The following DNAH6 variants were observed in gnomAD, a reference collection of about 807,000 sequenced individuals.
DNAH6 encodes axonemal beta dynein heavy chain 6.
Under a neutral mutation model 491.4 loss-of-function variants are expected in DNAH6, and 340 were observed. The ratio of observed to expected loss-of-function variants is 0.69; its 90% confidence interval spans 0.63 to 0.76. The LOEUF is 0.76. Ranked by LOEUF, DNAH6 falls within the 30% of genes least tolerant of loss-of-function variation. The pLI is 0.00. For synonymous variants in DNAH6, 1,603 were observed against 1,686.1 expected (o/e 0.95, Z 1.21); for missense variants, 4,443 against 4,972.2 (o/e 0.89, Z 3.20).
At chr2:84,502,969 G>A in the DNAH6 span, among the ~76,000 whole-genome samples, 1 of 152,018 alleles carries the variant, frequency 6.6e-6, no homozygotes, top group Non-Finnish European at 1.5e-5. Context: ...TCTTTTGATT[G>A]GAGAGTTAAG....
intron 12 of DNAH6, among the ~76,000 whole-genome samples, chr2:84,576,281 A>T (rs775318091): frequency 1.3e-5 from 2 of 152,154 alleles, no homozygotes; most frequent in Non-Finnish European, 2.9e-5. Context: ...GCTCGGAAAG[A>T]CTAAGTAACT....
intron 47 of DNAH6, among the ~76,000 whole-genome samples, chr2:84,698,711 T>G (rs1695614392): frequency 6.6e-6 from 1 of 152,192 alleles, no homozygotes; most frequent in African/African-American, 2.4e-5. Flanking sequence ...AAATAAATCA[T>G]TCTACCAAAA....
At chr2:84,753,797 A>C (rs1165540338) in intron 63 of DNAH6, among the ~76,000 whole-genome samples, 1 of 143,868 alleles carries the variant, frequency 7.0e-6, no homozygotes, top group Admixed American at 6.9e-5. Context: ...TTTGGCTCTT[A>C]CATTTAGATC....
intron 2 of DNAH6, among the ~76,000 whole-genome samples, chr2:84,524,997 C>T (rs1171999370): frequency 6.6e-6 from 1 of 151,752 alleles, no homozygotes; most frequent in East Asian, 1.9e-4. Flanking sequence ...TTTTCTTATC[C>T]CAGTATATGA....
chr2:84,721,637 A>C (rs983576280), intron 59 of DNAH6, among the ~76,000 whole-genome samples: 2 of 152,184 alleles, frequency 1.3e-5, no homozygotes, highest in African/African-American at 4.8e-5. Flanking sequence ...TGTTGATATA[A>C]TATTTTGGGT....
intron 13 of DNAH6, among the ~76,000 whole-genome samples, chr2:84,578,831 T>A (rs561308341): frequency 6.6e-6 from 1 of 152,184 alleles, no homozygotes; most frequent in East Asian, 1.9e-4. Context: ...ATTATGGGGG[T>A]GGTTTCCCCT....
chr2:84,761,296 A>G (rs1231089996), intron 63 of DNAH6, among the ~76,000 whole-genome samples: 1 of 152,034 alleles, frequency 6.6e-6, no homozygotes, highest in Admixed American at 6.5e-5. Flanking sequence ...AGAGAAAGGG[A>G]TGGTAGACAA....
At chr2:84,582,555 C>T (rs1683137971) in intron 14 of DNAH6, among the ~76,000 whole-genome samples, 1 of 152,186 alleles carries the variant, frequency 6.6e-6, no homozygotes, top group South Asian at 2.1e-4. Context: ...GGGTTCACGC[C>T]ATTCTCCTGC....
intron 64 of DNAH6, among the ~76,000 whole-genome samples, chr2:84,776,870 T>C (rs1249489083): frequency 6.6e-6 from 1 of 152,124 alleles, no homozygotes; most frequent in Admixed American, 6.5e-5. Flanking sequence ...ATAGACTGGA[T>C]TAAGAAAATG....
At chr2:84,462,464 G>A in the DNAH6 span, among the ~76,000 whole-genome samples, 1 of 152,216 alleles carries the variant, frequency 6.6e-6, no homozygotes, top group Admixed American at 6.5e-5. Flanking sequence ...CAGACTTCCT[G>A]AGTCACGAGT....
chr2:84,706,192 A>G (rs530879671), intron 52 of DNAH6, among the ~76,000 whole-genome samples: 2 of 152,200 alleles, frequency 1.3e-5, no homozygotes, highest in Non-Finnish European at 2.9e-5. Flanking sequence ...AACTGTGGCT[A>G]TAGAGCAGGG....
At chr2:84,747,332 A>G (rs1328719158) in intron 63 of DNAH6, among the ~76,000 whole-genome samples, 1 of 152,218 alleles carries the variant, frequency 6.6e-6, no homozygotes, top group Non-Finnish European at 1.5e-5. Context: ...TGGTTTGGGC[A>G]TTGGGTAAAC....
chr2:84,723,779 C>T (rs1431374586), intron 60 of DNAH6, among the ~76,000 whole-genome samples: 1 of 152,218 alleles, frequency 6.6e-6, no homozygotes, highest in African/African-American at 2.4e-5. Context: ...CTCATATTCA[C>T]AGTTGAATTT....
intron 2 of DNAH6, among the ~76,000 whole-genome samples, chr2:84,524,566 C>A (rs2104427623): frequency 6.6e-6 from 1 of 152,122 alleles, no homozygotes; most frequent in African/African-American, 2.4e-5. Flanking sequence ...TTTGTATTGG[C>A]TGGTAATAGA....
rs1349344010 is a variant in DNAH6 at position 84,653,721 on chromosome 2, T to C, written c.5481T>C (p.Asp1827=). The C allele has an allele frequency of 1.3e-6, 2 of 1,551,246 alleles. No homozygotes were observed. Among genetic ancestry groups the C allele is most frequent in the Non-Finnish European group, 1.7e-6 (2 of 1,146,738 alleles). ...MALSVRAAVN[D]TSEDHKWIIS... is the part of the protein sequence containing the mutation. ...TAAGTGTCCGAGCAGCTGTGAATGA[T>C]ACTTCAGAAGACCATAAATGGATCA... The change falls in exon 34 of 77, where the codon GAT becomes GAC. Residue 1827 remains aspartate (D), a synonymous_variant. Transcript: ENST00000389394.
intron 1 of DNAH6, among the ~76,000 whole-genome samples, chr2:84,517,538 G>GAGC (rs917119186): frequency 2.0e-5 from 3 of 152,154 alleles, no homozygotes; most frequent in East Asian, 3.8e-4. Flanking sequence ...GTCTCCAGAT[G>GAGC]AGCAGCAGCA....
chr2:84,470,759 T>C, the DNAH6 span, among the ~76,000 whole-genome samples: 3 of 152,276 alleles, frequency 2.0e-5, no homozygotes, highest in African/African-American at 7.2e-5. Flanking sequence ...CAGCTCCTGT[T>C]TGTTGGGGTG....
chr2:84,621,472 G>C lies in DNAH6; in HGVS notation c.3992G>C (p.Arg1331Pro). ...ILTVSQIMWC[R>P]DLTECLETEH... is the part of the protein sequence containing the mutation. ...ACTGTTTCTCAAATTATGTGGTGCC[G>C]TGATTTGACTGAATGTCTGGAAACA... Residue 1331 changes from arginine to proline, a missense_variant, in exon 26 of 77, where the codon CGT becomes CCT. Transcript: ENST00000389394. The C allele has an allele frequency of 6.5e-7, 1 of 1,538,904 alleles. No homozygotes were observed. Among genetic ancestry groups the C allele is most frequent in the South Asian group, 1.2e-5 (1 of 83,848 alleles).
chr2:84,655,149 G>A (rs933024178), intron 35 of DNAH6, among the ~76,000 whole-genome samples: 1 of 152,032 alleles, frequency 6.6e-6, no homozygotes, highest in Non-Finnish European at 1.5e-5. Context: ...GAAGCAAAAT[G>A]AAGAAAAAGA....
Sources: allele counts gnomAD v4.1 joint callset (sites outside exome capture counted in the v4.1 genomes callset), GRCh38; gene constraint gnomAD v4.1.1; transcripts MANE v1.5; gene names NCBI Gene and HGNC (gene_info 2026-07-23, HGNC 2026-07-21).